ATL3: variants seen among roughly 807,000 people sequenced by gnomAD.
The protein encoded by ATL3 is atlastin GTPase 3, also known as atlastin-3.
In ATL3, 49 loss-of-function variants were observed where a neutral mutation model predicts 69.5. The ratio of observed to expected loss-of-function variants is 0.71; its 90% confidence interval spans 0.56 to 0.89. ATL3 has a LOEUF of 0.89. Ranked by LOEUF, ATL3 falls within the 40% of genes least tolerant of loss-of-function variation. The pLI, the probability that ATL3 is intolerant of heterozygous loss-of-function variation, is 0.00. For synonymous variants in ATL3, 214 were observed against 224.1 expected, an observed-to-expected ratio of 0.95 and a Z score of 0.40; for missense variants, 606 against 645.7, an observed-to-expected ratio of 0.94 and a Z score of 0.67.
intron 8 of ATL3, among the ~76,000 whole-genome samples, chr11:63,637,950 G>A (rs1289494359): frequency 6.6e-6 from 1 of 152,248 alleles, no homozygotes; most frequent in Non-Finnish European, 1.5e-5. Flanking sequence ...ATGGAAGAGA[G>A]ACTTTTCACT....
At position 63,659,145 on chromosome 11, in the gene ATL3, G is replaced by A; in HGVS notation, c.154C>T (p.Gln52Ter). The change falls in exon 2 of 13, where the codon CAG (glutamine) becomes TAG (stop). Residue 52 changes from glutamine (Q) to a stop codon, truncating the protein, a stop_gained. Coordinates refer to ENST00000398868, the MANE Select transcript of ATL3 (RefSeq NM_015459.5). LOFTEE classifies it high-confidence loss of function. ...ACATCAAGATCTCGGATGTGGTCCT[G>A]CAAGAGGATGCTGGCCAAGGCTTTC... ...DEKALASILL[Q>*]DHIRDLDVVV... The A allele has an allele frequency of 6.2e-7, 1 of 1,614,092 alleles. No individual in the cohort carries two copies. The highest frequency in any genetic ancestry group is 8.5e-7 in the Non-Finnish European group (1 of 1,180,026).
intron 3 of ATL3, among the ~76,000 whole-genome samples, chr11:63,653,325 C>T (rs562549): frequency 0.12 from 17,861 of 151,968 alleles, 1,173 homozygotes; most frequent in Middle Eastern, 0.17. Flanking sequence ...AAAAAATGGG[C>T]GTGGTGGTGC....
At chr11:63,631,738 T>TTC (rs1240268205) in intron 11 of ATL3, among the ~76,000 whole-genome samples, 1 of 152,070 alleles carries the variant, frequency 6.6e-6, no homozygotes, top group African/African-American at 2.4e-5. Context: ...TCCCAGCACT[T>TTC]TCGGAGGCCA....
intron 4 of ATL3, among the ~76,000 whole-genome samples, 163 bp downstream of exon 4, chr11:63,652,308 G>C (rs1167023053): frequency 2.0e-5 from 3 of 151,986 alleles, no homozygotes; most frequent in Non-Finnish European, 2.9e-5. Context: ...AAAATTCTTT[G>C]GCTCCTTCTC....
intron 4 of ATL3, 65 bp from the exon 5 acceptor site, chr11:63,652,051 A>C: frequency 6.4e-7 from 1 of 1,558,144 alleles, no homozygotes; most frequent in East Asian, 2.3e-5. Context: ...AAATAAGCCT[A>C]AAGGGCTGAC....
At chr11:63,657,208 C>CAAAAAAAAAAA in intron 3 of ATL3, among the ~76,000 whole-genome samples, 1 of 59,916 alleles carries the variant, frequency 1.7e-5, no homozygotes, top group African/African-American at 6.4e-5. Flanking sequence ...GACTACATCT[C>CAAAAAAAAAAA]AAAAAAAAAA....
intron 3 of ATL3, among the ~76,000 whole-genome samples, chr11:63,656,546 C>G (rs978623111): frequency 6.6e-6 from 1 of 151,152 alleles, no homozygotes; most frequent in Non-Finnish European, 1.5e-5. Flanking sequence ...CCAGCCTGAC[C>G]AATATGGCGA....
At chr11:63,669,206 G>C (rs559625675) in intron 1 of ATL3, among the ~76,000 whole-genome samples, 2 of 152,204 alleles carry the variant, frequency 1.3e-5, no homozygotes, top group South Asian at 2.1e-4. Context: ...TACTTCAGCT[G>C]TGAAATATAT....
Position 63,625,315 on chromosome 11 carries a change from G to A in ATL3, c.*4004C>T, listed in dbSNP as rs1229100314. ...CACAGCCATGTTGACAACTTGAGAT[G>A]GAAGATCAAATCATCCTAAATTACA... On this transcript the variant is annotated 3_prime_UTR_variant, in exon 13 of 13. Coordinates refer to ENST00000398868, the MANE Select transcript of ATL3 (RefSeq NM_015459.5). 1 of 151,932 alleles carries A rather than the reference G, an allele frequency of 6.6e-6. No individual in the cohort carries two copies. The highest frequency in any genetic ancestry group is 1.5e-5 in the Non-Finnish European group (1 of 67,990). The allele number at this position is 151,932 out of a possible 1,614,324, so 9.4% of individuals were successfully genotyped here.
intron 3 of ATL3, among the ~76,000 whole-genome samples, chr11:63,657,208 C>CAAAAAAAAAAAAAAAAAAAAAAA (rs1254213240): frequency 2.2e-4 from 13 of 59,900 alleles, no homozygotes; most frequent in African/African-American, 5.8e-4. Flanking sequence ...GACTACATCT[C>CAAAAAAAAAAAAAAAAAAAAAAA]AAAAAAAAAA....
chr11:63,630,264 A>T (rs1004571900), intron 12 of ATL3, among the ~76,000 whole-genome samples: 5 of 151,362 alleles, frequency 3.3e-5, no homozygotes, highest in African/African-American at 9.7e-5. Context: ...AAAAAAAAAA[A>T]AAATACAGAA....
chr11:63,651,306 G>C (rs1191554222), intron 5 of ATL3, among the ~76,000 whole-genome samples: 1 of 151,634 alleles, frequency 6.6e-6, no homozygotes, highest in East Asian at 1.9e-4. Context: ...AATACAAAAA[G>C]TAGCCGGGCA....
At chr11:63,632,689 C>G in intron 11 of ATL3, 1 of 1,260,870 alleles carries the variant, frequency 7.9e-7, no homozygotes, top group Non-Finnish European at 1.2e-6. Context: ...TTTTTATGTG[C>G]CAGCCTTAAT....
intron 5 of ATL3, among the ~76,000 whole-genome samples, chr11:63,651,602 C>T (rs1940082502): frequency 6.6e-6 from 1 of 152,164 alleles, no homozygotes; most frequent in African/African-American, 2.4e-5. Context: ...ATCCTACCCA[C>T]CGGCCTCCCT....
At chr11:63,644,006 T>C (rs900977361) in intron 7 of ATL3, among the ~76,000 whole-genome samples, 163 bp downstream of exon 7, 2 of 152,244 alleles carry the variant, frequency 1.3e-5, no homozygotes, top group Non-Finnish European at 2.9e-5. Flanking sequence ...ATACAGGTTC[T>C]TTAATCTTGT....
At chr11:63,629,655 C>T (rs1939240149) in intron 12 of ATL3, among the ~76,000 whole-genome samples, 1 of 152,194 alleles carries the variant, frequency 6.6e-6, no homozygotes, top group African/African-American at 2.4e-5. Context: ...CCCAACTCAC[C>T]TGTTCATGTT....
rs1013899415 is a variant in ATL3 at position 63,626,873 on chromosome 11, G to A, written c.*2446C>T. On this transcript the variant is annotated 3_prime_UTR_variant, in exon 13 of 13. Transcript: ENST00000398868. ...ATCAATTTACTGTTGAGAGAAAAGA[G>A]GCCAAAGAAAACTCTTAAGAACCCT... 1 of 151,628 alleles carries A rather than the reference G, an allele frequency of 6.6e-6. No individual in the cohort carries two copies. The highest frequency in any genetic ancestry group is 2.4e-5 in the African/African-American group (1 of 41,246). 9.4% of individuals were successfully genotyped at this position (151,628 alleles called of 1,614,324 possible). A position where few individuals can be genotyped will look rare whatever the true frequency, so the allele number is the denominator to read the frequency against.
rs376091022 is a variant in ATL3 at position 63,631,187 on chromosome 11, T to C, written c.1392A>G (p.Ile464Met). The C allele has an allele frequency of 1.2e-6, 2 of 1,614,046 alleles. No individual in the cohort carries two copies. The highest frequency in any genetic ancestry group is 2.7e-5 in the African/African-American group (2 of 74,904). Residue 464 changes from isoleucine (I) to methionine (M), a missense_variant, in exon 12 of 13, where the codon ATA becomes ATG. By Grantham distance (10) the Ile-to-Met change is conservative (BLOSUM62 1). Coordinates refer to ENST00000398868, the MANE Select transcript of ATL3 (RefSeq NM_015459.5). ...ACAACTGGGCTACAACCTCAAGACC[T>C]ATGAAGCCAGTGAGGCCTGAGGCTA... ...LYIASGLTGF[I>M]GLEVVAQLFN... is the part of the protein sequence containing the mutation.
chr11:63,645,858 A>T (rs1565275621), intron 6 of ATL3, among the ~76,000 whole-genome samples: 1 of 151,656 alleles, frequency 6.6e-6, no homozygotes, highest in Non-Finnish European at 1.5e-5. Flanking sequence ...ACCTTCACCT[A>T]CCAGGCTCGA....
Sources: allele counts gnomAD v4.1 joint callset (sites outside exome capture counted in the v4.1 genomes callset), GRCh38; gene constraint gnomAD v4.1.1; transcripts MANE v1.5; gene names NCBI Gene and HGNC (gene_info 2026-07-23, HGNC 2026-07-21).